CSMD1: variants seen among roughly 807,000 people sequenced by gnomAD.
CSMD1 encodes the protein CUB and sushi domain-containing protein 1.
A neutral mutation model predicts 417.5 loss-of-function variants in CSMD1; 213 were observed. That is an observed-to-expected ratio of 0.51 (90% CI 0.46 to 0.57). The LOEUF (loss-of-function observed/expected upper bound fraction) is 0.57. Among genes scored for constraint, CSMD1 ranks in the 20% least tolerant of loss-of-function variants. The pLI, the probability that CSMD1 is intolerant of heterozygous loss-of-function variation, is 0.00. For synonymous variants in CSMD1, 2,862 were observed against 1,736.8 expected, an observed-to-expected ratio of 1.65 and a Z score of -16.11; for missense variants, 6,923 against 4,529.7, an observed-to-expected ratio of 1.53 and a Z score of -15.17.
rs79835040 is a variant in CSMD1 at position 4,018,958 on chromosome 8, A to T, written c.610+12947T>A. 7.0e-3 allele frequency among the ~76,000 whole-genome samples: 1,066 copies of T among 152,336 alleles called. 59 individuals carry two copies. The East Asian group carries it at 0.14, about 20-fold the overall frequency. On this transcript the variant is annotated intron_variant, in intron 4 of 69. Coordinates refer to ENST00000635120, the MANE Select transcript of CSMD1 (RefSeq NM_033225.6). ...ACGTAAGGCATGTAAACATTGTCTG[A>T]CATTTTGTGATTGCTTTGTGTTTAA...
chr8:4,389,362 G>C (rs1401469510), intron 3 of CSMD1, among the ~76,000 whole-genome samples: 1 of 152,094 alleles, frequency 6.6e-6, no homozygotes, highest in Non-Finnish European at 1.5e-5. Context: ...TATGTGGAGG[G>C]AGTACTTGGA....
At chr8:4,107,942 G>A (rs1265809913) in intron 3 of CSMD1, among the ~76,000 whole-genome samples, 2 of 151,890 alleles carry the variant, frequency 1.3e-5, no homozygotes, top group Non-Finnish European at 2.9e-5. Flanking sequence ...TGCCCCCTAC[G>A]GACTGAAAAC....
At chr8:3,164,915 T>C (rs905570905) in intron 37 of CSMD1, among the ~76,000 whole-genome samples, 1 of 152,130 alleles carries the variant, frequency 6.6e-6, no homozygotes, top group African/African-American at 2.4e-5. Context: ...TATTGATTTA[T>C]TGTCATTTTC....
intron 3 of CSMD1, among the ~76,000 whole-genome samples, chr8:4,034,796 ATTC>A (rs1360003263): frequency 3.9e-5 from 6 of 152,190 alleles, no homozygotes; most frequent in African/African-American, 1.4e-4. Flanking sequence ...GCTACTGCTA[ATTC>A]TTCTTAGAAG....
intron 20 of CSMD1, among the ~76,000 whole-genome samples, chr8:3,366,632 G>A (rs1227497935): frequency 6.6e-6 from 1 of 152,072 alleles, no homozygotes; most frequent in Non-Finnish European, 1.5e-5. Flanking sequence ...GCAAATATTG[G>A]CACCTACCGT....
rs377002724 is a variant in CSMD1, at chr8:3,783,297, G to A, written c.819-29255C>T. Among the ~76,000 whole-genome samples, 73 of 152,306 alleles carry A rather than the reference G, an allele frequency of 4.8e-4. 2 individuals carry two copies. The highest frequency in any genetic ancestry group is 3.4e-3 in the Middle Eastern group (1 of 294). ...TGCAAAACTCACCATTAGAAATACT[G>A]GGATGGATGGGAAACACAGTGCAGA... On this transcript the variant is annotated intron_variant, in intron 5 of 69. Transcript: ENST00000635120.
chr8:4,091,047 T>C (rs568579126), intron 3 of CSMD1, among the ~76,000 whole-genome samples: 5 of 151,940 alleles, frequency 3.3e-5, no homozygotes, highest in African/African-American at 1.2e-4. Context: ...GCCTCACAAG[T>C]ATCTGGGTCT....
chr8:3,499,633 C>T (rs773949113), intron 10 of CSMD1, among the ~76,000 whole-genome samples: 3 of 151,968 alleles, frequency 2.0e-5, no homozygotes, highest in Non-Finnish European at 1.5e-5. Context: ...GGAGCATGCA[C>T]TTTGGCTCCC....
chr8:3,982,564 T>G (rs541939956), intron 5 of CSMD1, among the ~76,000 whole-genome samples: 1 of 152,004 alleles, frequency 6.6e-6, no homozygotes, highest in Non-Finnish European at 1.5e-5. Context: ...GCACTAGAAT[T>G]ATGCGCCTAG....
Position 3,091,604 on chromosome 8 carries a change from T to C in CSMD1, c.7197A>G (p.Ser2399=). Residue 2399 remains serine (S), a synonymous_variant, in exon 48 of 70, where the codon TCA becomes TCG. Coordinates refer to ENST00000635120, the MANE Select transcript of CSMD1 (RefSeq NM_033225.6). ...VVLSGNHTEQ[S]NFTSRSNQLY... ...ACTGATTACTCCTGCTTGTAAAATT[T>C]GATTGTTCAGTATGATTCCCACTTA... 1.2e-6 allele frequency: 2 copies of C among 1,611,736 alleles called. No individual in the cohort carries two copies. Among genetic ancestry groups the C allele is most frequent in the Non-Finnish European group, 1.7e-6 (2 of 1,179,452 alleles).
intron 1 of CSMD1, among the ~76,000 whole-genome samples, chr8:4,665,439 G>C (rs1007396009): frequency 2.6e-5 from 4 of 152,282 alleles, no homozygotes; most frequent in African/African-American, 9.6e-5. Context: ...CCATAACCAT[G>C]AGAGATTCAA....
intron 9 of CSMD1, among the ~76,000 whole-genome samples, chr8:3,576,269 A>AATG: frequency 1.0e-4 from 1 of 9,894 alleles, no homozygotes; most frequent in East Asian, 1.3e-3. Context: ...TGCATGTCAA[A>AATG]ATAATAATAA....
chr8:4,001,094 G>A (rs73182005), intron 4 of CSMD1, among the ~76,000 whole-genome samples: 10,041 of 151,504 alleles, frequency 0.066, 440 homozygotes, highest in Non-Finnish European at 0.09. Flanking sequence ...ATGAATTTTT[G>A]TCATGGCAGT....
At chr8:4,760,132 A>G (rs1018404986) in intron 1 of CSMD1, among the ~76,000 whole-genome samples, 2 of 152,198 alleles carry the variant, frequency 1.3e-5, no homozygotes, top group African/African-American at 4.8e-5. Flanking sequence ...AAGCATCTTA[A>G]TGGCTCACAC....
intron 2 of CSMD1, among the ~76,000 whole-genome samples, chr8:4,489,096 G>C (rs186118565): frequency 1.8e-4 from 27 of 152,230 alleles, no homozygotes; most frequent in Admixed American, 8.5e-4. Context: ...ATTTTTAGTA[G>C]AGACGGGGTT....
chr8:4,346,924 T>TA, intron 3 of CSMD1, among the ~76,000 whole-genome samples: 1 of 152,172 alleles, frequency 6.6e-6, no homozygotes, highest in Non-Finnish European at 1.5e-5. Flanking sequence ...TTTCCTCAAA[T>TA]ACTAATTTGA....
intron 7 of CSMD1, among the ~76,000 whole-genome samples, chr8:3,636,248 G>GAAAAT (rs1397293330): frequency 7.2e-5 from 11 of 152,136 alleles, no homozygotes; most frequent in African/African-American, 2.7e-4. Context: ...TCATTTTCTA[G>GAAAAT]GACAACGATG....
intron 10 of CSMD1, among the ~76,000 whole-genome samples, chr8:3,574,541 C>T (rs1294489876): frequency 1.3e-5 from 2 of 152,102 alleles, no homozygotes; most frequent in Non-Finnish European, 2.9e-5. Context: ...GCGACTGAGC[C>T]CGGCCAAAAG....
intron 1 of CSMD1, among the ~76,000 whole-genome samples, chr8:4,786,026 A>G (rs145576888): frequency 0.011 from 1,605 of 152,324 alleles, 14 homozygotes; most frequent in East Asian, 0.057. Flanking sequence ...GGAGCTTCCT[A>G]AGAAATAGAA....
Sources: gnomAD v4.1 joint callset for allele counts (sites outside exome capture counted in the v4.1 genomes callset) on GRCh38, gnomAD v4.1.1 for gene constraint, MANE v1.5 for transcripts, NCBI Gene and HGNC (gene_info 2026-07-23, HGNC 2026-07-21) for gene names.